TRAF3IP2: variants seen among roughly 807,000 people sequenced by gnomAD.
TRAF3IP2 encodes TRAF3 interacting protein 2, also known as E3 ubiquitin ligase TRAF3IP2.
In TRAF3IP2, 35 loss-of-function variants were observed where a neutral mutation model predicts 57.9. The observed-to-expected ratio is 0.60, with a 90% CI of 0.46 to 0.80. The LOEUF (loss-of-function observed/expected upper bound fraction) is 0.80, where lower values mean the gene tolerates loss of function less well. Ranked by LOEUF, TRAF3IP2 falls within the 30% of genes least tolerant of loss-of-function variation. The pLI is 0.00. For synonymous variants in TRAF3IP2, 251 were observed against 268.9 expected (o/e 0.93, Z 0.65); for missense variants, 556 against 706.4 (o/e 0.79, Z 2.41).
chr6:111,563,701 AT>A (rs1795530208), intron 7 of TRAF3IP2, among the ~76,000 whole-genome samples: 1 of 152,178 alleles, frequency 6.6e-6, no homozygotes, highest in Non-Finnish European at 1.5e-5. Context: ...GCATGAGCAA[AT>A]GTCTGGAGGT....
intron 2 of TRAF3IP2, among the ~76,000 whole-genome samples, chr6:111,583,772 T>C (rs757741296): frequency 2.6e-5 from 4 of 152,224 alleles, no homozygotes; most frequent in African/African-American, 7.2e-5. Flanking sequence ...CCCCAGTCCA[T>C]GGAAAAATTG....
intron 3 of TRAF3IP2, chr6:111,576,387 T>C (rs1363257875): frequency 6.6e-6 from 1 of 152,306 alleles, no homozygotes; most frequent in Non-Finnish European, 1.5e-5. Context: ...TCTGCTGAGA[T>C]GAACAATCAG....
intron 2 of TRAF3IP2, chr6:111,586,991 A>G (rs1796357054): frequency 6.6e-6 from 1 of 152,114 alleles, no homozygotes; most frequent in African/African-American, 2.4e-5. Context: ...TAATCCTCAC[A>G]GCAACCTTCG....
Position 111,555,496 on chromosome 6 carries a change from G to A in TRAF3IP2, c.*3909C>T, listed in dbSNP as rs1477621093. ...AGTCTAATACTTTGATTGTAGCCAT[G>A]TACTGAGACCTCTTTGAACAATCTA... On this transcript the variant is annotated 3_prime_UTR_variant, in exon 9 of 9. Transcript: ENST00000368761. 6.6e-6 allele frequency among the ~76,000 whole-genome samples: 1 copy of A among 152,192 alleles called. No individual in the cohort carries two copies. The highest frequency in any genetic ancestry group is 1.5e-5 in the Non-Finnish European group (1 of 68,038).
rs2128367966 is a variant in TRAF3IP2, at chr6:111,559,357, C to T, written c.*48G>A. On this transcript the variant is annotated 3_prime_UTR_variant, in exon 9 of 9. Coordinates refer to ENST00000368761, the MANE Select transcript of TRAF3IP2 (RefSeq NM_147686.4). ...AGCCTCAGCCAGAATGCTGTCAGAA[C>T]AAGGCCCCAAACATGGCCTGGCCTC... 1 of 1,592,506 alleles carries T rather than the reference C, an allele frequency of 6.3e-7. No homozygotes were observed. The highest frequency in any genetic ancestry group is 2.2e-5 in the East Asian group (1 of 44,732).
chr6:111,599,486 C>G (rs1796799968), intron 1 of TRAF3IP2, among the ~76,000 whole-genome samples: 1 of 152,168 alleles, frequency 6.6e-6, no homozygotes, highest in Non-Finnish European at 1.5e-5. Flanking sequence ...TGACAATGCT[C>G]CCTTGGTGTC....
intron 2 of TRAF3IP2, among the ~76,000 whole-genome samples, chr6:111,583,422 G>A (rs1489613936): frequency 1.3e-5 from 2 of 152,188 alleles, no homozygotes; most frequent in African/African-American, 4.8e-5. Context: ...GTGAAGCTCT[G>A]TCTGTATTTA....
rs1394212730 is a variant in TRAF3IP2 at position 111,585,266 on chromosome 6, T to C, written c.830-4877A>G. On this transcript the variant is annotated intron_variant, in intron 2 of 8. Coordinates refer to ENST00000368761, the MANE Select transcript of TRAF3IP2 (RefSeq NM_147686.4). ...GGTGTATAACTATTTGCTGAATAAA[T>C]TGATAAGTGGATGGACAGGTTCTGT... 5.3e-5 allele frequency among the ~76,000 whole-genome samples: 8 copies of C among 152,018 alleles called. No homozygotes were observed. In the East Asian group the frequency reaches 7.7e-4, roughly 15 times the overall value.
intron 1 of TRAF3IP2, among the ~76,000 whole-genome samples, chr6:111,602,487 G>A (rs1796905646): frequency 1.3e-5 from 2 of 152,120 alleles, no homozygotes. Context: ...AGGAAGGAAG[G>A]AGAACGGAAG....
intron 3 of TRAF3IP2, among the ~76,000 whole-genome samples, chr6:111,579,206 A>G (rs1295065644): frequency 6.6e-6 from 1 of 150,764 alleles, no homozygotes; most frequent in African/African-American, 2.5e-5. Context: ...GCGCGCAGCT[A>G]CCCAGGAGGC....
At chr6:111,584,498 T>C (rs1796269926) in intron 2 of TRAF3IP2, among the ~76,000 whole-genome samples, 1 of 152,102 alleles carries the variant, frequency 6.6e-6, no homozygotes, top group Non-Finnish European at 1.5e-5. Flanking sequence ...GGAATTTGAC[T>C]GGTTGTATGG....
intron 8 of TRAF3IP2, among the ~76,000 whole-genome samples, chr6:111,560,880 A>C (rs539507576): frequency 6.6e-6 from 1 of 152,176 alleles, no homozygotes; most frequent in Admixed American, 6.5e-5. Flanking sequence ...ATATATCAGC[A>C]TGAAGGTAAA....
At chr6:111,593,520 C>T (rs1225532139) in intron 1 of TRAF3IP2, among the ~76,000 whole-genome samples, 2 of 152,126 alleles carry the variant, frequency 1.3e-5, no homozygotes, top group Non-Finnish European at 1.5e-5. Flanking sequence ...CAGAAAGATA[C>T]CTCTCCACTC....
At chr6:111,580,997 A>G (rs1397486439) in intron 2 of TRAF3IP2, among the ~76,000 whole-genome samples, 1 of 152,216 alleles carries the variant, frequency 6.6e-6, no homozygotes, top group African/African-American at 2.4e-5. Context: ...GCCTACGTGC[A>G]CTTGGAGCCA....
chr6:111,576,399 T>C (rs1291199171), intron 3 of TRAF3IP2: 1 of 152,280 alleles, frequency 6.6e-6, no homozygotes, highest in Non-Finnish European at 1.5e-5. Flanking sequence ...AACAATCAGA[T>C]GACCTCGTGT....
At chr6:111,605,258 G>A (rs116667591) in intron 1 of TRAF3IP2, among the ~76,000 whole-genome samples, 240 of 152,350 alleles carry the variant, frequency 1.6e-3, no homozygotes, top group Middle Eastern at 0.014. Flanking sequence ...GGGCCGGGAG[G>A]CGGCTCACAG....
chr6:111,580,045 G>T, intron 3 of TRAF3IP2, 152 bp downstream of exon 3: 1 of 843,872 alleles, frequency 1.2e-6, no homozygotes, highest in Non-Finnish European at 1.8e-6. Flanking sequence ...GTTTCCTCCT[G>T]ACCTGAAAAG....
rs367701538 is a variant in TRAF3IP2, at chr6:111,591,583, T to G, written c.504A>C (p.Ala168=). 1.9e-6 allele frequency: 3 copies of G among 1,614,246 alleles called. No homozygotes were observed. Among genetic ancestry groups the G allele is most frequent in the Non-Finnish European group, 2.5e-6 (3 of 1,180,044 alleles). ...KSDQSLPNAS[A]DSLGGSQEMV... is the part of the protein sequence containing the mutation. ...TCTCCTGGCTACCGCCCAAGGAGTCTGCTGAGGCATTAGGTAAACTTTGGT... is the reference window on the plus strand; with the variant it reads ...TCTCCTGGCTACCGCCCAAGGAGTCGGCTGAGGCATTAGGTAAACTTTGGT... The change falls in exon 2 of 9, where the codon GCA becomes GCC. Residue 168 remains alanine (A), a synonymous_variant. Transcript: ENST00000368761. The surrounding 1 kb of genome is among the most constrained non-coding windows in gnomAD (Gnocchi z 4.9).
In TRAF3IP2 at chr6:111,555,471, A is replaced by G. The variant is rs1795208479; in HGVS notation, c.*3934T>C. ...CTGAGCACTGAGCTGAGAAATAGCT[A>G]GTCTAATACTTTGATTGTAGCCATG... On this transcript the variant is annotated 3_prime_UTR_variant, in exon 9 of 9. Coordinates refer to ENST00000368761, the MANE Select transcript of TRAF3IP2 (RefSeq NM_147686.4). Among the ~76,000 whole-genome samples the G allele has an allele frequency of 6.6e-6, 1 of 152,210 alleles. No individual in the cohort carries two copies.
Sources: gnomAD v4.1 joint callset for allele counts (sites outside exome capture counted in the v4.1 genomes callset) on GRCh38, gnomAD v4.1.1 for gene constraint, Gnocchi (gnomAD v3.1) non-coding constraint, MANE v1.5 for transcripts, NCBI Gene and HGNC (gene_info 2026-07-23, HGNC 2026-07-21) for gene names.